SCARA5: variants seen among roughly 807,000 people sequenced by gnomAD.
SCARA5 encodes the protein scavenger receptor class A, member 5 (putative).
Under a neutral mutation model 46.3 loss-of-function variants are expected in SCARA5, and 45 were observed. That is an observed-to-expected ratio of 0.97 (90% CI 0.76 to 1.24). The LOEUF is 1.24. Ranked by LOEUF, SCARA5 falls within the 50% of genes most tolerant of loss-of-function variation. The pLI, the probability that SCARA5 is intolerant of heterozygous loss-of-function variation, is 0.00. For missense variants in SCARA5, 680 were observed against 689.0 expected (o/e 0.99, Z 0.15); for synonymous variants, 333 against 306.5 (o/e 1.09, Z -0.90).
chr8:27,876,504 G>T (rs1025601651), intron 8 of SCARA5, among the ~76,000 whole-genome samples: 4 of 152,180 alleles, frequency 2.6e-5, no homozygotes, highest in Non-Finnish European at 4.4e-5. Context: ...CAGGGTTCTG[G>T]CTGGGATGGG....
Position 27,922,202 on chromosome 8 carries a change from A to G in SCARA5, c.285T>C (p.Thr95=), listed in dbSNP as rs1807608801. The G allele has an allele frequency of 1.9e-6, 3 of 1,594,314 alleles. No individual in the cohort carries two copies. The highest frequency in any genetic ancestry group is 2.6e-6 in the Non-Finnish European group (3 of 1,169,674). Residue 95 remains threonine (T), a synonymous_variant, in exon 4 of 9, where the codon ACT becomes ACC. Coordinates refer to ENST00000354914, the MANE Select transcript of SCARA5 (RefSeq NM_173833.6). Reference sequence around the variant, plus strand: ...TCTCATTCAGCCGGTTCACATTGCGAGTCAGGGCCTTCAGGTCGTCAGGGG... The same window carrying G: ...TCTCATTCAGCCGGTTCACATTGCGGGTCAGGGCCTTCAGGTCGTCAGGGG... ...RSSPDDLKAL[T]RNVNRLNESF...
chr8:27,900,169 CA>C (rs1255693109), intron 7 of SCARA5, among the ~76,000 whole-genome samples: 1 of 151,218 alleles, frequency 6.6e-6, no homozygotes, highest in Non-Finnish European at 1.5e-5. Context: ...AAAAAACAAA[CA>C]AAAAAAGGTG....
At chr8:27,919,755 G>A (rs1172253995) in intron 4 of SCARA5, among the ~76,000 whole-genome samples, 4 of 151,842 alleles carry the variant, frequency 2.6e-5, no homozygotes, top group African/African-American at 4.8e-5. Flanking sequence ...CTGGCCCTGC[G>A]GCTGTGGGCA....
At chr8:27,894,433 A>G (rs1046907071) in intron 7 of SCARA5, among the ~76,000 whole-genome samples, 5 of 152,192 alleles carry the variant, frequency 3.3e-5, no homozygotes, top group African/African-American at 9.7e-5. Flanking sequence ...CACTCTTCTC[A>G]GGCTTAAGGG....
At chr8:27,954,938 G>A (rs1001203731) in intron 3 of SCARA5, among the ~76,000 whole-genome samples, 2 of 152,218 alleles carry the variant, frequency 1.3e-5, no homozygotes, top group Admixed American at 6.5e-5. Flanking sequence ...ACAGAAGACA[G>A]CCTGCCAGAC....
At chr8:27,966,829 C>T (rs1203091651) in intron 2 of SCARA5, among the ~76,000 whole-genome samples, 1 of 152,180 alleles carries the variant, frequency 6.6e-6, no homozygotes, top group Non-Finnish European at 1.5e-5. Flanking sequence ...GTCCAAGCAG[C>T]AGAAAGACCT....
chr8:27,879,818 C>T, intron 7 of SCARA5, 52 bp from the exon 8 acceptor site: 4 of 1,566,432 alleles, frequency 2.6e-6, no homozygotes, highest in South Asian at 2.2e-5. Flanking sequence ...CCAGGACCCG[C>T]CCCCAGGGGC....
chr8:27,897,896 T>A (rs563808781), intron 7 of SCARA5, among the ~76,000 whole-genome samples: 4 of 152,396 alleles, frequency 2.6e-5, no homozygotes, highest in African/African-American at 7.2e-5. Context: ...CTGCCTTCAG[T>A]TAGCATATAT....
At chr8:27,991,482 C>T (rs1336852714) in intron 1 of SCARA5, among the ~76,000 whole-genome samples, 1 of 152,230 alleles carries the variant, frequency 6.6e-6, no homozygotes, top group African/African-American at 2.4e-5. Flanking sequence ...TATCAGGACC[C>T]TGGCTCTTCA....
intron 3 of SCARA5, among the ~76,000 whole-genome samples, chr8:27,932,795 AT>A (rs1157076728): frequency 6.6e-6 from 1 of 152,074 alleles, no homozygotes; most frequent in East Asian, 1.9e-4. Flanking sequence ...TAGCCGGCTA[AT>A]TTTTTTGTAT....
intron 4 of SCARA5, among the ~76,000 whole-genome samples, chr8:27,916,207 A>G (rs561160854): frequency 1.9e-4 from 29 of 152,380 alleles, no homozygotes; most frequent in African/African-American, 7.0e-4. Flanking sequence ...GGAATAATGT[A>G]AATAAGCTCA....
intron 2 of SCARA5, among the ~76,000 whole-genome samples, chr8:27,968,559 T>C (rs542563482): frequency 6.6e-6 from 1 of 152,358 alleles, no homozygotes; most frequent in Non-Finnish European, 1.5e-5. Context: ...ACTAGCTGTC[T>C]GGTTGCAACT....
intron 3 of SCARA5, among the ~76,000 whole-genome samples, chr8:27,933,826 T>C (rs190862567): frequency 1.4e-3 from 219 of 152,284 alleles, no homozygotes; most frequent in Admixed American, 2.7e-3. Context: ...GAGGGACTCT[T>C]AGGCAGTCAT....
intron 3 of SCARA5, among the ~76,000 whole-genome samples, chr8:27,958,848 G>T (rs191344927): frequency 6.6e-6 from 1 of 152,352 alleles, no homozygotes; most frequent in Admixed American, 6.5e-5. Context: ...TGGGGATGGG[G>T]TGAGGAGGAG....
intron 6 of SCARA5, 79 bp downstream of exon 6, chr8:27,907,069 G>T: frequency 2.0e-6 from 2 of 980,862 alleles, no homozygotes; most frequent in African/African-American, 1.6e-5. Context: ...GAAGATAAGA[G>T]TCCTGGTCCC....
At chr8:27,919,084 G>C (rs1369854336) in intron 4 of SCARA5, among the ~76,000 whole-genome samples, 1 of 85,290 alleles carries the variant, frequency 1.2e-5, no homozygotes, top group African/African-American at 4.7e-5. Flanking sequence ...AGGAGAGAAG[G>C]GTGGAGGAGG....
chr8:27,900,711 A>G (rs1357853826), intron 7 of SCARA5, among the ~76,000 whole-genome samples: 6 of 150,954 alleles, frequency 4.0e-5, no homozygotes, highest in Non-Finnish European at 7.4e-5. Flanking sequence ...CAAAAACACT[A>G]TTTATTTTTC....
intron 2 of SCARA5, among the ~76,000 whole-genome samples, chr8:27,972,033 C>T (rs1243303616): frequency 1.3e-5 from 2 of 152,064 alleles, no homozygotes; most frequent in African/African-American, 4.8e-5. Flanking sequence ...AAATAGATAC[C>T]TGGCTGGGCC....
At chr8:27,928,056 G>A (rs149888752) in intron 3 of SCARA5, among the ~76,000 whole-genome samples, 25 of 152,208 alleles carry the variant, frequency 1.6e-4, no homozygotes, top group Non-Finnish European at 3.1e-4. Context: ...GCATCAACTT[G>A]CGTAGGGCAG....
Sources: allele counts gnomAD v4.1 joint callset (sites outside exome capture counted in the v4.1 genomes callset), GRCh38; gene constraint gnomAD v4.1.1; transcripts MANE v1.5; gene names NCBI Gene and HGNC (gene_info 2026-07-23, HGNC 2026-07-21).